The following IL23R variants were observed in gnomAD, a reference collection of about 807,000 sequenced individuals.
The protein encoded by IL23R is interleukin-23 receptor.
IL23R carries 34 observed loss-of-function variants against 56.9 expected under a neutral mutation model. That is an observed-to-expected ratio of 0.60 (90% CI 0.45 to 0.80). IL23R has a LOEUF of 0.80. Ranked by LOEUF, IL23R falls within the 30% of genes least tolerant of loss-of-function variation. IL23R has a pLI of 0.00. For missense variants in IL23R, 635 were observed against 730.0 expected, an observed-to-expected ratio of 0.87 and a Z score of 1.50; for synonymous variants, 230 against 249.2, an observed-to-expected ratio of 0.92 and a Z score of 0.73.
chr1:67,160,314 C>CA (rs1646807363), intron 1 of IL23R, among the ~76,000 whole-genome samples: 2 of 152,104 alleles, frequency 1.3e-5, no homozygotes, highest in Admixed American at 1.3e-4. Context: ...CAGCAAAAAA[C>CA]AAAAACAGAA....
At chr1:67,163,973 G>A (rs1416340522), upstream of IL23R, among the ~76,000 whole-genome samples, 1 of 151,936 alleles carries the variant, frequency 6.6e-6, no homozygotes. Flanking sequence ...TTTTAGATAT[G>A]ACACTGAAAA....
intron 4 of IL23R, among the ~76,000 whole-genome samples, chr1:67,195,382 A>C (rs373329557): frequency 2.0e-5 from 3 of 152,200 alleles, no homozygotes; most frequent in East Asian, 3.8e-4. Flanking sequence ...TGAGTCCTTC[A>C]TTAGGTGAGA....
chr1:67,247,857 T>C (rs1652341966), intron 9 of IL23R, among the ~76,000 whole-genome samples: 1 of 152,164 alleles, frequency 6.6e-6, no homozygotes, highest in East Asian at 1.9e-4. Context: ...GGATTTTATT[T>C]CTCCTTCGCT....
intron 7 of IL23R, among the ~76,000 whole-genome samples, chr1:67,221,141 C>A (rs777891290): frequency 9.9e-5 from 15 of 152,052 alleles, no homozygotes; most frequent in Non-Finnish European, 1.9e-4. Flanking sequence ...GCCAACGTGG[C>A]AAAATCCCAT....
intron 7 of IL23R, among the ~76,000 whole-genome samples, chr1:67,233,308 G>A (rs1268273440): frequency 6.6e-6 from 1 of 151,408 alleles, no homozygotes; most frequent in Non-Finnish European, 1.5e-5. Flanking sequence ...AGAAGTTGCA[G>A]TGAGCCAGGA....
chr1:67,143,352 A>T (rs941261852), intron 1 of IL23R, among the ~76,000 whole-genome samples: 6 of 152,218 alleles, frequency 3.9e-5, no homozygotes, highest in African/African-American at 1.4e-4. Flanking sequence ...CTCTCTCAAA[A>T]GCAGACCAAG....
At chr1:67,189,126 G>A (rs1227456405) in intron 4 of IL23R, among the ~76,000 whole-genome samples, 2 of 151,970 alleles carry the variant, frequency 1.3e-5, no homozygotes, top group African/African-American at 2.4e-5. Context: ...CTAATAGAAA[G>A]ACTTATTTTT....
At chr1:67,146,342 G>A (rs915086160) in intron 1 of IL23R, among the ~76,000 whole-genome samples, 3 of 151,908 alleles carry the variant, frequency 2.0e-5, no homozygotes, top group Admixed American at 2.0e-4. Context: ...GATGTTGAGG[G>A]TGCAGATCTC....
intron 3 of IL23R, among the ~76,000 whole-genome samples, chr1:67,176,704 A>T (rs1049403253): frequency 6.6e-6 from 1 of 152,128 alleles, no homozygotes; most frequent in Non-Finnish European, 1.5e-5. Flanking sequence ...TTTCATACAT[A>T]TACATGTGCC....
intron 7 of IL23R, among the ~76,000 whole-genome samples, chr1:67,229,276 A>G (rs1278053801): frequency 1.3e-5 from 2 of 152,176 alleles, no homozygotes; most frequent in Non-Finnish European, 2.9e-5. Flanking sequence ...ACTTGGGAAA[A>G]CACTTATGAT....
At chr1:67,203,908 A>G (rs950585028) in intron 5 of IL23R, among the ~76,000 whole-genome samples, 4 of 152,166 alleles carry the variant, frequency 2.6e-5, no homozygotes, top group Admixed American at 6.5e-5. Context: ...GGGTACAGAA[A>G]TTGCTGTGCT....
intron 7 of IL23R, 117 bp downstream of exon 7, chr1:67,219,847 CT>C (rs1650126771): frequency 1.0e-6 from 1 of 987,386 alleles, no homozygotes; most frequent in Non-Finnish European, 1.6e-6. Context: ...AGGAAGATTG[CT>C]TGAGCCTAGG....
chr1:67,200,102 T>G (rs7545884), intron 4 of IL23R, among the ~76,000 whole-genome samples: 2 of 151,902 alleles, frequency 1.3e-5, no homozygotes, highest in African/African-American at 4.8e-5. Flanking sequence ...TGCAGTGGTG[T>G]GATCTCGGCT....
At chr1:67,160,212 T>G (rs1447042139) in intron 1 of IL23R, among the ~76,000 whole-genome samples, 3 of 152,134 alleles carry the variant, frequency 2.0e-5, no homozygotes, top group Non-Finnish European at 4.4e-5. Context: ...CAGCACTAAA[T>G]TGAAATATGA....
upstream of IL23R, among the ~76,000 whole-genome samples, chr1:67,165,905 A>G (rs1050493253): frequency 3.3e-5 from 5 of 152,228 alleles, no homozygotes; most frequent in African/African-American, 1.2e-4. Flanking sequence ...TATGGTGACC[A>G]TAGTTAACAA....
intron 7 of IL23R, among the ~76,000 whole-genome samples, chr1:67,228,194 C>CCTTCCTTA: frequency 7.7e-6 from 1 of 130,640 alleles, no homozygotes; most frequent in Non-Finnish European, 1.7e-5. Flanking sequence ...TTCCTTCCTT[C>CCTTCCTTA]CTTCCTCCCT....
intron 9 of IL23R, among the ~76,000 whole-genome samples, chr1:67,241,066 C>A (rs573592794): frequency 1.3e-5 from 2 of 152,278 alleles, no homozygotes; most frequent in East Asian, 3.9e-4. Flanking sequence ...TACAGTTCAT[C>A]CACAAGGACT....
rs756910475 is a variant in IL23R, at chr1:67,258,818, A to G, written c.1580A>G (p.His527Arg). 1 of 1,612,338 alleles carries G rather than the reference A, an allele frequency of 6.2e-7. No individual in the cohort carries two copies. Among genetic ancestry groups the G allele is most frequent in the Non-Finnish European group, 8.5e-7 (1 of 1,178,622 alleles). ...DSGNNPRLQK[H>R]PNFAFSVSSV... is the part of the protein sequence containing the mutation. ...GGAAATAATCCCAGGTTACAAAAGCATCCTAATTTTGCTTTTTCTGTTTCA... is the reference window on the plus strand; with the variant it reads ...GGAAATAATCCCAGGTTACAAAAGCGTCCTAATTTTGCTTTTTCTGTTTCA... The change falls in exon 11 of 11, where the codon CAT becomes CGT. Residue 527 changes from histidine (H) to arginine (R), a missense_variant. Coordinates refer to ENST00000347310, the MANE Select transcript of IL23R (RefSeq NM_144701.3).
At chr1:67,210,944 G>A (rs1187881576) in intron 6 of IL23R, among the ~76,000 whole-genome samples, 2 of 151,994 alleles carry the variant, frequency 1.3e-5, no homozygotes, top group Non-Finnish European at 2.9e-5. Context: ...TCTGAGTATC[G>A]GTTTTGCTAT....
Sources: allele counts gnomAD v4.1 joint callset (sites outside exome capture counted in the v4.1 genomes callset), GRCh38; gene constraint gnomAD v4.1.1; transcripts MANE v1.5; gene names NCBI Gene and HGNC (gene_info 2026-07-23, HGNC 2026-07-21).